The following CACNG3 variants were observed in gnomAD, a reference collection of about 807,000 sequenced individuals.
CACNG3 encodes the protein voltage-dependent calcium channel gamma-3 subunit.
Under a neutral mutation model 28.5 loss-of-function variants are expected in CACNG3, and 3 were observed. That is an observed-to-expected ratio of 0.11 (90% CI 0.05 to 0.27). The LOEUF is 0.27. CACNG3 is among the 10% of genes least tolerant of loss of function. CACNG3 has a pLI of 1.00. For missense variants in CACNG3, 236 were observed against 414.4 expected, an observed-to-expected ratio of 0.57 and a Z score of 3.74; for synonymous variants, 174 against 162.2, an observed-to-expected ratio of 1.07 and a Z score of -0.55.
intron 1 of CACNG3, among the ~76,000 whole-genome samples, chr16:24,335,586 G>A (rs953810090): frequency 9.9e-5 from 15 of 152,098 alleles, no homozygotes; most frequent in African/African-American, 2.9e-4. Context: ...GGAAACTGAG[G>A]CACTTTTAAG....
At chr16:24,356,007 T>G (rs1900026940) in intron 3 of CACNG3, among the ~76,000 whole-genome samples, 2 of 152,110 alleles carry the variant, frequency 1.3e-5, no homozygotes, top group South Asian at 4.1e-4. Flanking sequence ...CTCTGCCTCT[T>G]TTACCTCCCT....
At chr16:24,284,759 T>G (rs1567210182) in intron 1 of CACNG3, among the ~76,000 whole-genome samples, 1 of 152,196 alleles carries the variant, frequency 6.6e-6, no homozygotes, top group Non-Finnish European at 1.5e-5. Context: ...CTTGTTGAGG[T>G]TGGCATGCTT....
intron 3 of CACNG3, among the ~76,000 whole-genome samples, chr16:24,357,111 G>C (rs1041723526): frequency 6.6e-6 from 1 of 151,710 alleles, no homozygotes; most frequent in African/African-American, 2.4e-5. Context: ...GTGCAGGCCT[G>C]TAGTCACAGT....
At chr16:24,258,169 G>A (rs902067710) in intron 1 of CACNG3, among the ~76,000 whole-genome samples, 5 of 152,162 alleles carry the variant, frequency 3.3e-5, no homozygotes, top group Non-Finnish European at 5.9e-5. Flanking sequence ...TTGAGAACTT[G>A]CATTTATGTA....
chr16:24,304,168 G>C (rs1899152473), intron 1 of CACNG3, among the ~76,000 whole-genome samples: 1 of 152,168 alleles, frequency 6.6e-6, no homozygotes, highest in South Asian at 2.1e-4. Flanking sequence ...GCGGGCTAGT[G>C]GGGGAGTGGA....
intron 1 of CACNG3, among the ~76,000 whole-genome samples, chr16:24,340,966 T>G (rs1206635175): frequency 6.6e-6 from 1 of 152,256 alleles, no homozygotes; most frequent in Non-Finnish European, 1.5e-5. Flanking sequence ...AACTTAAAGC[T>G]GTGCTCTTCT....
chr16:24,290,522 G>A (rs1003906603), intron 1 of CACNG3, among the ~76,000 whole-genome samples: 1 of 152,224 alleles, frequency 6.6e-6, no homozygotes, highest in African/African-American at 2.4e-5. Flanking sequence ...GCTCCAAGAT[G>A]TGTCCCTGGA....
chr16:24,362,018 C>T lies in CACNG3; in HGVS notation c.*155C>T. The T allele has an allele frequency of 1.5e-6, 1 of 681,518 alleles. No individual in the cohort carries two copies. Among genetic ancestry groups the T allele is most frequent in the African/African-American group, 1.8e-5 (1 of 55,534 alleles). 42.2% of individuals were successfully genotyped at this position (681,518 alleles called of 1,614,324 possible). A position where few individuals can be genotyped will look rare whatever the true frequency, so the allele number is the denominator to read the frequency against. ...AGCCCTCTCCCACATTTTCCCCTCACCCTCCAAGTCCTAACCCCTCCATCC... is the reference window on the plus strand; with the variant it reads ...AGCCCTCTCCCACATTTTCCCCTCATCCTCCAAGTCCTAACCCCTCCATCC... On this transcript the variant is annotated 3_prime_UTR_variant, in exon 4 of 4. Transcript: ENST00000005284.
intron 1 of CACNG3, among the ~76,000 whole-genome samples, chr16:24,343,154 A>G (rs1343515221): frequency 6.6e-6 from 1 of 152,060 alleles, no homozygotes; most frequent in Non-Finnish European, 1.5e-5. Flanking sequence ...ACACCATTGC[A>G]CTCCAGCCTG....
At chr16:24,341,259 G>C (rs924932765) in intron 1 of CACNG3, among the ~76,000 whole-genome samples, 3 of 152,244 alleles carry the variant, frequency 2.0e-5, no homozygotes, top group Non-Finnish European at 4.4e-5. Flanking sequence ...TTACATGAAT[G>C]TCCAAGCTCA....
chr16:24,341,684 G>A (rs1250206988), intron 1 of CACNG3, among the ~76,000 whole-genome samples: 1 of 152,204 alleles, frequency 6.6e-6, no homozygotes, highest in African/African-American at 2.4e-5. Context: ...CTAGTAAGTG[G>A]CTGAGTCAGG....
At chr16:24,276,125 G>A (rs2141349324) in intron 1 of CACNG3, among the ~76,000 whole-genome samples, 1 of 152,320 alleles carries the variant, frequency 6.6e-6, no homozygotes, top group African/African-American at 2.4e-5. Flanking sequence ...GTGGGCAACA[G>A]ATCAAATGCA....
chr16:24,352,058 T>C (rs1391263403), intron 2 of CACNG3, among the ~76,000 whole-genome samples: 1 of 152,066 alleles, frequency 6.6e-6, no homozygotes, highest in East Asian at 1.9e-4. Context: ...TCCTCACACC[T>C]GTGTGCCGTC....
At chr16:24,349,357 G>T (rs1342202162) in intron 2 of CACNG3, among the ~76,000 whole-genome samples, 1 of 152,248 alleles carries the variant, frequency 6.6e-6, no homozygotes, top group Non-Finnish European at 1.5e-5. Flanking sequence ...AGTCCACAAA[G>T]TAGAGTGAAA....
At chr16:24,302,348 T>C (rs1176567660) in intron 1 of CACNG3, among the ~76,000 whole-genome samples, 2 of 152,134 alleles carry the variant, frequency 1.3e-5, no homozygotes, top group African/African-American at 4.8e-5. Flanking sequence ...GGACCAGGAG[T>C]ATACAGCGTC....
intron 1 of CACNG3, among the ~76,000 whole-genome samples, chr16:24,310,179 T>C (rs1049769870): frequency 6.9e-6 from 1 of 145,148 alleles, no homozygotes; most frequent in African/African-American, 2.8e-5. Flanking sequence ...GTTAACAGAC[T>C]CTGTGGACAA....
At position 24,346,747 on chromosome 16, in the gene CACNG3, C is replaced by A. The variant is rs140855664; in HGVS notation, c.225C>A (p.Gly75=). 5.6e-5 allele frequency: 90 copies of A among 1,613,558 alleles called. 1 individual carries two copies. The Admixed American group carries it at 1.4e-3, about 25-fold the overall frequency. Residue 75 remains glycine (G), a synonymous_variant, in exon 2 of 4, where the codon GGC becomes GGA. Coordinates refer to ENST00000005284, the MANE Select transcript of CACNG3 (RefSeq NM_006539.4). The part of the protein sequence containing the change: ...RTCCLEGAFR[G]VCKKIDHFPE... Reference sequence around the variant, plus strand: ...CTGTTTCCACAGGGGCTTTCCGAGGCGTGTGCAAGAAAATCGATCACTTCC... The same window carrying A: ...CTGTTTCCACAGGGGCTTTCCGAGGAGTGTGCAAGAAAATCGATCACTTCC...
chr16:24,357,232 TAAAAAAAAAAAAA>T (rs36102827), intron 3 of CACNG3, among the ~76,000 whole-genome samples: 2 of 113,292 alleles, frequency 1.8e-5, no homozygotes, highest in African/African-American at 6.8e-5. Context: ...CACTCCATCT[TAAAAAAAAAAAAA>T]AAAAAAAAGC....
At chr16:24,310,511 T>C (rs1596637582) in intron 1 of CACNG3, among the ~76,000 whole-genome samples, 1 of 152,024 alleles carries the variant, frequency 6.6e-6, no homozygotes, top group East Asian at 1.9e-4. Flanking sequence ...TTGCAGTGAG[T>C]CGAGATTGCA....
Sources: allele counts gnomAD v4.1 joint callset (sites outside exome capture counted in the v4.1 genomes callset), GRCh38; gene constraint gnomAD v4.1.1; transcripts MANE v1.5; gene names NCBI Gene and HGNC (gene_info 2026-07-23, HGNC 2026-07-21).